GLIS1: variants seen among roughly 807,000 people sequenced by gnomAD.
GLIS1 encodes the protein GLIS family zinc finger 1, also known as zinc finger protein GLIS1.
Under a neutral mutation model 63.8 loss-of-function variants are expected in GLIS1, and 24 were observed. That is an observed-to-expected ratio of 0.38 (90% CI 0.27 to 0.53). The LOEUF is 0.53. Among genes scored for constraint, GLIS1 ranks in the 20% least tolerant of loss-of-function variants. The pLI, the probability that GLIS1 is intolerant of heterozygous loss-of-function variation, is 0.85. For missense variants in GLIS1, 1,036 were observed against 1,074.1 expected (o/e 0.96, Z 0.50); for synonymous variants, 450 against 482.5 (o/e 0.93, Z 0.88).
intron 2 of GLIS1, among the ~76,000 whole-genome samples, chr1:53,661,240 G>C (rs1345021882): frequency 6.6e-6 from 1 of 152,118 alleles, no homozygotes; most frequent in Non-Finnish European, 1.5e-5. Flanking sequence ...CCCTCACCCA[G>C]TCGAGACAGT....
intron 2 of GLIS1, among the ~76,000 whole-genome samples, chr1:53,704,567 AGG>A (rs1288385304): frequency 6.6e-6 from 1 of 151,746 alleles, no homozygotes; most frequent in African/African-American, 2.4e-5. Context: ...GGGGAAAGGA[AGG>A]GAGAGAAGGG....
intron 7 of GLIS1, among the ~76,000 whole-genome samples, chr1:53,519,652 G>T (rs1323855939): frequency 6.6e-6 from 1 of 152,180 alleles, no homozygotes; most frequent in African/African-American, 2.4e-5. Context: ...CCTGCCCCGT[G>T]GCCCACGGCT....
At chr1:53,518,120 G>A (rs949676444) in intron 7 of GLIS1, among the ~76,000 whole-genome samples, 5 of 152,162 alleles carry the variant, frequency 3.3e-5, no homozygotes, top group Non-Finnish European at 5.9e-5. Flanking sequence ...CCAGCAGGCC[G>A]GATCCTAGGG....
intron 2 of GLIS1, among the ~76,000 whole-genome samples, chr1:53,613,987 A>AT (rs1557481603): frequency 6.6e-6 from 1 of 152,258 alleles, no homozygotes; most frequent in African/African-American, 2.4e-5. Context: ...AGAATTAATT[A>AT]TAAGCGCAGG....
intron 9 of GLIS1, 90 bp downstream of exon 9, chr1:53,509,758 TC>T: frequency 1.3e-6 from 1 of 769,976 alleles, no homozygotes; most frequent in Non-Finnish European, 1.8e-6. Context: ...AGTACCTGCC[TC>T]CCCCACTAGG....
At chr1:53,583,861 C>T (rs561425951) in intron 4 of GLIS1, among the ~76,000 whole-genome samples, 22 of 152,330 alleles carry the variant, frequency 1.4e-4, no homozygotes, top group African/African-American at 5.3e-4. Flanking sequence ...GCAAACTTTA[C>T]GGAACCACAT....
At chr1:53,684,459 G>A (rs938410225) in intron 2 of GLIS1, among the ~76,000 whole-genome samples, 1 of 152,062 alleles carries the variant, frequency 6.6e-6, no homozygotes, top group African/African-American at 2.4e-5. Flanking sequence ...ATGGTTCATG[G>A]GGACCACTGC....
chr1:53,613,653 G>GT (rs59387707), intron 2 of GLIS1, among the ~76,000 whole-genome samples: 144,817 of 151,026 alleles, frequency 0.96, 69,664 homozygotes, highest in East Asian at 1. Flanking sequence ...ATTTTTGGTG[G>GT]TTTTTTTTTC....
At position 53,594,341 on chromosome 1, in the gene GLIS1, C is replaced by T; in HGVS notation, c.1087G>A (p.Gly363Ser). 1 of 1,611,668 alleles carries T rather than the reference C, an allele frequency of 6.2e-7. No individual in the cohort carries two copies. Among genetic ancestry groups the T allele is most frequent in the Non-Finnish European group, 8.5e-7 (1 of 1,179,292 alleles). The change falls in exon 4 of 11, where the codon GGC becomes AGC. Residue 363 changes from glycine (G) to serine (S), a missense_variant. Transcript: ENST00000628545. ...SLGGLGLGLA[G>S]RVVAGRQACR... ...GCCTGCCGCCCGGCCACCACCCTGCCTGCCAGGCCCAGCCCCAGGCCTCCA... is the reference window on the plus strand; with the variant it reads ...GCCTGCCGCCCGGCCACCACCCTGCTTGCCAGGCCCAGCCCCAGGCCTCCA...
intron 2 of GLIS1, among the ~76,000 whole-genome samples, chr1:53,702,171 T>A (rs532105579): frequency 6.6e-6 from 1 of 152,146 alleles, no homozygotes; most frequent in South Asian, 2.1e-4. Flanking sequence ...CTCCCCACCA[T>A]CACAGCAGCA....
intron 4 of GLIS1, among the ~76,000 whole-genome samples, chr1:53,569,536 A>T (rs981606738): frequency 1.3e-5 from 2 of 152,176 alleles, no homozygotes; most frequent in Non-Finnish European, 2.9e-5. Flanking sequence ...CCTATAGGAG[A>T]TATTACACTT....
intron 2 of GLIS1, among the ~76,000 whole-genome samples, chr1:53,723,730 G>A (rs1485535921): frequency 6.6e-6 from 1 of 151,986 alleles, no homozygotes. Flanking sequence ...AGCTTCTACA[G>A]TAAGTATATA....
At position 53,511,482 on chromosome 1, in the gene GLIS1, C is replaced by A. The variant is rs754939399; in HGVS notation, c.1884-1455G>T. ...TGCCCCTCCAGTCTGCTGTCATCAT[C>A]CACACGTGTGGGGCCCCCGTCACTG... On this transcript the variant is annotated intron_variant, in intron 8 of 10. Transcript: ENST00000628545. The surrounding 1 kb of genome is among the most constrained non-coding windows in gnomAD (Gnocchi z 4.2). Among the ~76,000 whole-genome samples, 104 of 152,190 alleles carry A rather than the reference C, an allele frequency of 6.8e-4. No individual in the cohort carries two copies. Among genetic ancestry groups the A allele is most frequent in the Non-Finnish European group, 1.2e-3 (79 of 68,022 alleles).
At chr1:53,533,665 C>T (rs923372325) in intron 4 of GLIS1, among the ~76,000 whole-genome samples, 1 of 152,214 alleles carries the variant, frequency 6.6e-6, no homozygotes, top group Admixed American at 6.5e-5. Flanking sequence ...TGCAGGCACC[C>T]CTGGCAGAGC....
At chr1:53,512,963 G>A (rs1166892943) in intron 8 of GLIS1, among the ~76,000 whole-genome samples, 1 of 152,152 alleles carries the variant, frequency 6.6e-6, no homozygotes, top group Non-Finnish European at 1.5e-5. Context: ...CGTGTGTACG[G>A]CCCTCACCAC....
intron 4 of GLIS1, among the ~76,000 whole-genome samples, chr1:53,555,423 G>A (rs1014233693): frequency 4.6e-5 from 7 of 152,100 alleles, no homozygotes; most frequent in African/African-American, 1.2e-4. Context: ...CCAGCTACTC[G>A]GGAGGCTGAG....
At chr1:53,557,080 T>C (rs970243349) in intron 4 of GLIS1, among the ~76,000 whole-genome samples, 2 of 151,948 alleles carry the variant, frequency 1.3e-5, no homozygotes, top group African/African-American at 4.8e-5. Context: ...TGAGCATATG[T>C]GTGTGCAGGT....
At chr1:53,612,209 A>T (rs2950259) in intron 2 of GLIS1, among the ~76,000 whole-genome samples, 146,745 of 152,230 alleles carry the variant, frequency 0.96, 70,938 homozygotes, top group East Asian at 1. Context: ...TCAGCAAATA[A>T]CTTGAAGGAA....
chr1:53,641,786 G>T (rs1645790205), intron 2 of GLIS1, among the ~76,000 whole-genome samples: 1 of 152,320 alleles, frequency 6.6e-6, no homozygotes, highest in African/African-American at 2.4e-5. Context: ...CAAGCTTCTT[G>T]GGAAGGAACG....
Sources: gnomAD v4.1 joint callset for allele counts (sites outside exome capture counted in the v4.1 genomes callset) on GRCh38, gnomAD v4.1.1 for gene constraint, Gnocchi (gnomAD v3.1) non-coding constraint, MANE v1.5 for transcripts, NCBI Gene and HGNC (gene_info 2026-07-23, HGNC 2026-07-21) for gene names.